The following SLC2A1 variants were observed in gnomAD, a reference collection of about 807,000 sequenced individuals.
The protein encoded by SLC2A1 is solute carrier family 2 member 1.
Under a neutral mutation model 46.6 loss-of-function variants are expected in SLC2A1, and 4 were observed. That is an observed-to-expected ratio of 0.09 (90% confidence interval 0.04 to 0.20). The LOEUF is 0.20. Among genes scored for constraint, SLC2A1 ranks in the 10% least tolerant of loss-of-function variants. The pLI is 1.00. For synonymous variants in SLC2A1, 253 were observed against 270.0 expected, an observed-to-expected ratio of 0.94 and a Z score of 0.62; for missense variants, 352 against 667.0, an observed-to-expected ratio of 0.53 and a Z score of 5.20.
At chr1:42,949,237 G>A (rs1273122037) in intron 1 of SLC2A1, among the ~76,000 whole-genome samples, 1 of 152,068 alleles carries the variant, frequency 6.6e-6, no homozygotes, top group Non-Finnish European at 1.5e-5. Context: ...GACAGAGTGA[G>A]ACACTCTCAA....
At chr1:42,952,409 G>T (rs377626249) in intron 1 of SLC2A1, 1 of 479,638 alleles carries the variant, frequency 2.1e-6, no homozygotes, top group Non-Finnish European at 4.2e-6. Flanking sequence ...TGATGCAGTC[G>T]ATCAGCGAGT....
intron 2 of SLC2A1, among the ~76,000 whole-genome samples, chr1:42,931,528 G>T (rs1289602019): frequency 6.6e-6 from 1 of 152,046 alleles, no homozygotes; most frequent in Non-Finnish European, 1.5e-5. Flanking sequence ...TTCAGGCATA[G>T]AACAGAGAGG....
intron 1 of SLC2A1, among the ~76,000 whole-genome samples, chr1:42,957,812 T>TC (rs1643792301): frequency 6.6e-6 from 1 of 152,110 alleles, no homozygotes. Context: ...CGTGCGCGCT[T>TC]CCCGCTAGAC....
At position 42,930,531 on chromosome 1, in the gene SLC2A1, G is replaced by A. The variant is rs754909079; in HGVS notation, c.516+95C>T. 2.3e-5 allele frequency: 35 copies of A among 1,537,370 alleles called. No homozygotes were observed. The East Asian group carries it at 2.3e-4, about 10-fold the overall frequency. On this transcript the variant is annotated intron_variant, in intron 4 of 9. Transcript: ENST00000426263. This position sits in a 1 kb window ranked among gnomAD's most constrained non-coding sequence, Gnocchi z 6.2. ...CTCTGCAAGGCTGTGGGGGCTGGGCGGAAGAGAAACTCTGCCCTGCTGGGC... is the reference window on the plus strand; with the variant it reads ...CTCTGCAAGGCTGTGGGGGCTGGGCAGAAGAGAAACTCTGCCCTGCTGGGC...
chr1:42,930,602 C>A lies in SLC2A1; in HGVS notation c.516+24G>T. The stretch of plus-strand genomic sequence containing the variant: ...AGCTGTGGGCAGGGGCCGTGCCAGG[C>A]AGGTAGATCCTGCCCCAGCTTACCT... On this transcript the variant is annotated intron_variant, in intron 4 of 9. Coordinates refer to ENST00000426263, the MANE Select transcript of SLC2A1 (RefSeq NM_006516.4). This position sits in a 1 kb window ranked among gnomAD's most constrained non-coding sequence, Gnocchi z 6.2. 1 of 1,612,108 alleles carries A rather than the reference C, an allele frequency of 6.2e-7. No homozygotes were observed. Among genetic ancestry groups the A allele is most frequent in the Non-Finnish European group, 8.5e-7 (1 of 1,179,298 alleles).
chr1:42,934,076 G>C (rs1643518650), intron 2 of SLC2A1, among the ~76,000 whole-genome samples: 1 of 152,194 alleles, frequency 6.6e-6, no homozygotes, highest in Non-Finnish European at 1.5e-5. Context: ...AGAGTAAATA[G>C]GTGCTAAGTA....
chr1:42,955,802 G>A (rs1643766318), intron 1 of SLC2A1, among the ~76,000 whole-genome samples: 3 of 152,200 alleles, frequency 2.0e-5, no homozygotes, highest in Non-Finnish European at 2.9e-5. Flanking sequence ...GTGCTGCCCA[G>A]GAGAGATCGT....
chr1:42,947,581 C>CAAAAAAAAAAAAAAAAAAAAAAAA, intron 1 of SLC2A1, among the ~76,000 whole-genome samples: 2 of 55,830 alleles, frequency 3.6e-5, no homozygotes, highest in Non-Finnish European at 6.2e-5. Flanking sequence ...CACACACACA[C>CAAAAAAAAAAAAAAAAAAAAAAAA]AAAAAAAAAA....
intron 1 of SLC2A1, among the ~76,000 whole-genome samples, chr1:42,948,825 G>T (rs529276887): frequency 6.6e-6 from 1 of 152,080 alleles, no homozygotes; most frequent in Admixed American, 6.6e-5. Context: ...CAGCACTTTG[G>T]GAGGCAAGGC....
intron 1 of SLC2A1, among the ~76,000 whole-genome samples, chr1:42,949,168 A>G (rs959529135): frequency 3.3e-5 from 5 of 152,156 alleles, no homozygotes; most frequent in African/African-American, 1.2e-4. Context: ...GAATCACTTT[A>G]ACCTGGGAGG....
intron 8 of SLC2A1, among the ~76,000 whole-genome samples, chr1:42,928,293 A>G (rs1370176507): frequency 6.6e-6 from 1 of 152,228 alleles, no homozygotes; most frequent in African/African-American, 2.4e-5. Flanking sequence ...CCTTTCGGCA[A>G]CCACCAAACT....
rs1643461665 is a variant in SLC2A1, at chr1:42,929,295, C to T, written c.887G>A (p.Ser296Asn). Residue 296 changes from serine to asparagine, a missense_variant, in exon 7 of 10, where the codon AGC becomes AAC. Coordinates refer to ENST00000426263, the MANE Select transcript of SLC2A1 (RefSeq NM_006516.4). This position sits in a 1 kb window ranked among gnomAD's most constrained non-coding sequence, Gnocchi z 6.0. ...CTGCACCCCCGCCTTCTCGAAGATG[C>T]TCGTGGAGTAATAGAAGACCTGCCA... Reference protein sequence around the residue: ...GINAVFYYSTSIFEKAGVQQP... With the variant: ...GINAVFYYSTNIFEKAGVQQP... 6.2e-7 allele frequency: 1 copy of T among 1,612,600 alleles called. No individual in the cohort carries two copies. The highest frequency in any genetic ancestry group is 8.5e-7 in the Non-Finnish European group (1 of 1,179,290).
intron 2 of SLC2A1, among the ~76,000 whole-genome samples, chr1:42,936,645 AAGGCCAGGCC>A (rs1041798608): frequency 3.9e-5 from 6 of 152,008 alleles, no homozygotes; most frequent in African/African-American, 1.4e-4. Flanking sequence ...CCTCCAAACC[AAGGCCAGGCC>A]AGGCCAGGCC....
intron 1 of SLC2A1, among the ~76,000 whole-genome samples, chr1:42,945,688 C>T (rs543885300): frequency 2.8e-5 from 4 of 145,142 alleles, no homozygotes; most frequent in South Asian, 2.2e-4. Context: ...TGAAGTGAGC[C>T]GAGATGGCGC....
At chr1:42,947,035 C>T (rs1353836577) in intron 1 of SLC2A1, among the ~76,000 whole-genome samples, 1 of 152,226 alleles carries the variant, frequency 6.6e-6, no homozygotes, top group East Asian at 1.9e-4. Context: ...GAATTCCCTC[C>T]ACAAGTGTTT....
At chr1:42,928,399 G>A (rs1029197491) in intron 8 of SLC2A1, among the ~76,000 whole-genome samples, 1 of 152,208 alleles carries the variant, frequency 6.6e-6, no homozygotes, top group Non-Finnish European at 1.5e-5. Flanking sequence ...GCCAGGCACA[G>A]GGTTAGCACA....
intron 2 of SLC2A1, among the ~76,000 whole-genome samples, chr1:42,934,505 G>A (rs841855): frequency 0.21 from 31,278 of 152,042 alleles, 3,295 homozygotes; most frequent in Middle Eastern, 0.26. Context: ...CTGGGGATTC[G>A]TATGGGGTTC....
Position 42,926,776 on chromosome 1 carries a change from T to TA in SLC2A1, c.*264dup. On this transcript the variant is annotated 3_prime_UTR_variant, in exon 10 of 10. Coordinates refer to ENST00000426263, the MANE Select transcript of SLC2A1 (RefSeq NM_006516.4). ...TGTGGGCACAGGAGACTCAGGCTGATATAAAAATAACAAAATCAGTAATAA... is the reference window on the plus strand; with the variant it reads ...TGTGGGCACAGGAGACTCAGGCTGATAATAAAAATAACAAAATCAGTAATAA... 6.9e-7 allele frequency: 1 copy of TA among 1,440,124 alleles called. No individual in the cohort carries two copies. Among genetic ancestry groups the TA allele is most frequent in the Middle Eastern group, 1.8e-4 (1 of 5,436 alleles). The allele number at this position is 1,440,124 out of a possible 1,614,324, so 89.2% of individuals were successfully genotyped here.
At position 42,927,712 on chromosome 1, in the gene SLC2A1, C is replaced by T. The variant is rs764168088; in HGVS notation, c.1171G>A (p.Val391Met). 3.1e-6 allele frequency: 5 copies of T among 1,613,870 alleles called. No individual in the cohort carries two copies. Among genetic ancestry groups the T allele is most frequent in the African/African-American group, 1.3e-5 (1 of 74,896 alleles). The change falls in exon 9 of 10, where the codon GTG becomes ATG. Residue 391 changes from valine to methionine, a missense_variant. Physicochemically the swap from Val to Met is conservative, Grantham distance 21. This residue lies in a region of SLC2A1 where 35 missense variants were observed against 107.2 expected (regional missense o/e 0.33). Transcript: ENST00000426263. The surrounding 1 kb of genome is among the most constrained non-coding windows in gnomAD (Gnocchi z 5.3). ...VGPGPIPWFIVAELFSQGPRP... is the reference protein window; with the variant it reads ...VGPGPIPWFIMAELFSQGPRP... ...GGACCCTGGCTGAAGAGTTCAGCCA[C>T]GATGAACCATGGGATGGGGCCAGGA...
Sources: gnomAD v4.1 joint callset for allele counts (sites outside exome capture counted in the v4.1 genomes callset) on GRCh38, gnomAD v4.1.1 for gene constraint, gnomAD v4.1.1 regional missense constraint, Gnocchi (gnomAD v3.1) non-coding constraint, MANE v1.5 for transcripts, NCBI Gene and HGNC (gene_info 2026-07-23, HGNC 2026-07-21) for gene names.